The following DUOX1 variants were observed in gnomAD, a reference collection of about 807,000 sequenced individuals.
The protein encoded by DUOX1 is dual oxidase 1, also known as NADPH thyroid oxidase 1.
A neutral mutation model predicts 181.8 loss-of-function variants in DUOX1; 134 were observed. That is an observed-to-expected ratio of 0.74 (90% CI 0.64 to 0.85). The LOEUF (loss-of-function observed/expected upper bound fraction) is 0.85. Ranked by LOEUF, DUOX1 falls within the 40% of genes least tolerant of loss-of-function variation. The pLI is 0.00. For missense variants in DUOX1, 1,814 were observed against 2,064.4 expected (o/e 0.88, Z 2.35); for synonymous variants, 798 against 832.5 (o/e 0.96, Z 0.71).
chr15:45,148,131 A>C, intron 20 of DUOX1, 134 bp downstream of exon 20: 1 of 1,450,500 alleles, frequency 6.9e-7, no homozygotes, highest in Non-Finnish European at 9.6e-7. Context: ...AGGCTGTTCA[A>C]ACTAGCAGGG....
chr15:45,141,433 G>A (rs1042253936), intron 14 of DUOX1, 23 bp downstream of exon 14: 1 of 1,612,820 alleles, frequency 6.2e-7, no homozygotes, highest in African/African-American at 1.3e-5. Flanking sequence ...GGGGTGGCTG[G>A]AGGAGTGGTG....
chr15:45,155,777 C>T, intron 27 of DUOX1, 25 bp from the exon 28 acceptor site: 1 of 1,612,778 alleles, frequency 6.2e-7, no homozygotes, highest in Non-Finnish European at 8.5e-7. Context: ...GATCTTCTGC[C>T]TTCCACCCTA....
At chr15:45,134,553 A>G (rs1203916676) in intron 4 of DUOX1, among the ~76,000 whole-genome samples, 1 of 152,148 alleles carries the variant, frequency 6.6e-6, no homozygotes, top group African/African-American at 2.4e-5. Context: ...GGGGTTAGGG[A>G]AAAGGGGCAT....
intron 28 of DUOX1, among the ~76,000 whole-genome samples, chr15:45,157,455 C>T (rs1648318): frequency 0.39 from 59,222 of 151,924 alleles, 14,418 homozygotes; most frequent in Non-Finnish European, 0.56. Context: ...AGAGCCCTTT[C>T]TGATTTGTCC....
chr15:45,136,259 A>G (rs928725191), intron 7 of DUOX1, 91 bp from the exon 8 acceptor site: 11 of 1,591,240 alleles, frequency 6.9e-6, no homozygotes, highest in Non-Finnish European at 9.4e-6. Context: ...GCTGGTCCTC[A>G]TCTCCACACG....
intron 9 of DUOX1, among the ~76,000 whole-genome samples, chr15:45,136,889 G>A (rs1006719707): frequency 1.1e-4 from 16 of 152,124 alleles, no homozygotes; most frequent in Non-Finnish European, 1.5e-4. Context: ...TTCAGAGGGT[G>A]TCACAAAGTC....
At chr15:45,160,803 G>A (rs939712893) in intron 28 of DUOX1, 34 bp from the exon 29 acceptor site, 4 of 1,571,728 alleles carry the variant, frequency 2.5e-6, no homozygotes, top group Non-Finnish European at 3.5e-6. Flanking sequence ...TATGGGCATC[G>A]CTAGGTCTGA....
In DUOX1 at chr15:45,151,239, T is replaced by G; in HGVS notation, c.3005T>G (p.Phe1002Cys). Residue 1002 changes from phenylalanine to cysteine, a missense_variant, in exon 23 of 34, where the codon TTT becomes TGT. By Grantham distance (205) the Phe-to-Cys change is radical. Coordinates refer to ENST00000389037, the MANE Select transcript of DUOX1 (RefSeq NM_175940.3). Reference protein sequence around the residue: ...TDPPQEIRRRFGKKVTSFQPL... With the variant: ...TDPPQEIRRRCGKKVTSFQPL... ...CCTCCCCAGGAGATTCGGCGGAGGT[T>G]TGGCAAGAAGTATGTCTGCTCTTCC... is the stretch of plus-strand genomic sequence containing the variant. The G allele has an allele frequency of 6.2e-7, 1 of 1,613,998 alleles. No homozygotes were observed. The highest frequency in any genetic ancestry group is 8.5e-7 in the Non-Finnish European group (1 of 1,179,948).
chr15:45,147,376 C>A (rs1483001944), intron 18 of DUOX1, 57 bp from the exon 19 acceptor site: 2 of 1,575,372 alleles, frequency 1.3e-6, no homozygotes, highest in East Asian at 4.7e-5. Flanking sequence ...CTCAGCTGAA[C>A]TTCAAGTCAA....
intron 21 of DUOX1, among the ~76,000 whole-genome samples, chr15:45,149,038 C>T (rs1314073636): frequency 6.6e-6 from 1 of 152,122 alleles, no homozygotes; most frequent in Non-Finnish European, 1.5e-5. Context: ...GTGTCTGATT[C>T]AAGTGGGTGG....
At chr15:45,136,697 G>A (rs1896327164) in intron 9 of DUOX1, 72 bp downstream of exon 9, 12 of 1,414,322 alleles carry the variant, frequency 8.5e-6, no homozygotes, top group African/African-American at 1.4e-5. Flanking sequence ...CTGCCCTCAG[G>A]AGCCCTCTGT....
chr15:45,153,477 T>C lies in DUOX1; in HGVS notation c.3522T>C (p.Asp1174=), dbSNP rs146600838. The change falls in exon 26 of 34, where the codon GAT becomes GAC. Residue 1174 remains aspartate (D), a splice_region_variant and synonymous_variant. Transcript: ENST00000389037. ...SCLFPGLFHD[D]GSELPQKYYW... ...TCTTTCCTGGCCTCTTCCATGATGA[T>C]GGGTGAGTAAGTGCGAATGTGTGTG... 7.8e-5 allele frequency: 126 copies of C among 1,607,346 alleles called. No homozygotes were observed. The African/African-American group carries it at 1.4e-3, about 18-fold the overall frequency.
At chr15:45,138,110 G>GT in intron 10 of DUOX1, 96 bp downstream of exon 10, 4 of 991,012 alleles carry the variant, frequency 4.0e-6, no homozygotes, top group Non-Finnish European at 5.6e-6. Context: ...GTGTGTGAGT[G>GT]CATGGTGAAA....
At chr15:45,153,219 TAA>T (rs71114313) in intron 25 of DUOX1, 159 bp from the exon 26 acceptor site, 43,599 of 193,956 alleles carry the variant, frequency 0.22, 4,120 homozygotes, top group Non-Finnish European at 0.28. Context: ...AGACTCCATC[TAA>T]AAAAAAAAAA....
Position 45,144,158 on chromosome 15 carries a change from CAGA to C in DUOX1, c.2062_2064del (p.Lys688del). 1 of 1,614,172 alleles carries C rather than the reference CAGA, an allele frequency of 6.2e-7. No homozygotes were observed. Among genetic ancestry groups the C allele is most frequent in the Non-Finnish European group, 8.5e-7 (1 of 1,180,048 alleles). On this transcript the variant is annotated inframe_deletion, in exon 17 of 34. Transcript: ENST00000389037. Reference sequence around the variant, plus strand: ...CCGCACCATCCAGCTGCAGCCTCCACAGAAGGTCAACTTCGTCCTGTCCAGCAA... The same window carrying C: ...CCGCACCATCCAGCTGCAGCCTCCACAGGTCAACTTCGTCCTGTCCAGCAA...
chr15:45,133,062 G>A (rs1436154671), intron 2 of DUOX1, among the ~76,000 whole-genome samples: 1 of 152,170 alleles, frequency 6.6e-6, no homozygotes, highest in African/African-American at 2.4e-5. Flanking sequence ...AAAGAATCAG[G>A]CCAGCTATCT....
intron 12 of DUOX1, 200 bp from the exon 13 acceptor site, chr15:45,140,695 G>A (rs1436295198): frequency 9.6e-6 from 5 of 519,900 alleles, no homozygotes; most frequent in African/African-American, 7.6e-5. Flanking sequence ...CTGAATGTGT[G>A]AGAGGGTTCC....
intron 2 of DUOX1, among the ~76,000 whole-genome samples, chr15:45,132,926 G>A (rs1043762661): frequency 2.0e-5 from 3 of 152,000 alleles, no homozygotes; most frequent in South Asian, 2.1e-4. Flanking sequence ...TGGGTTCTTT[G>A]CTCAAACATC....
At position 45,160,942 on chromosome 15, in the gene DUOX1, C is replaced by T. The variant is rs1011785521; in HGVS notation, c.3808C>T (p.Arg1270Trp). 8 of 1,614,144 alleles carry T rather than the reference C, an allele frequency of 5.0e-6. No individual in the cohort carries two copies. Among genetic ancestry groups the T allele is most frequent in the Middle Eastern group, 1.6e-4 (1 of 6,062 alleles). Residue 1270 changes from arginine (R) to tryptophan (W), a missense_variant, in exon 29 of 34, where the codon CGG (arginine) becomes TGG (tryptophan). Around this residue, in one of 5 missense-constraint regions of DUOX1, gnomAD observed 279 missense variants for 381.9 expected, o/e 0.73. Transcript: ENST00000389037. ...GGGCGACAAGCTGGTGAGCCTGAGC[C>T]GGAAGAAGGTGGAGATCAGCGTGGT... ...YGGDKLVSLS[R>W]KKVEISVVKA...
Sources: allele counts gnomAD v4.1 joint callset (sites outside exome capture counted in the v4.1 genomes callset), GRCh38; gene constraint gnomAD v4.1.1; regional missense constraint gnomAD v4.1.1; transcripts MANE v1.5; gene names NCBI Gene and HGNC (gene_info 2026-07-23, HGNC 2026-07-21).